ADCY1: variants seen among roughly 807,000 people sequenced by gnomAD.
ADCY1 encodes the protein adenylate cyclase type 1.
Under a neutral mutation model 105.4 loss-of-function variants are expected in ADCY1, and 28 were observed. That is an observed-to-expected ratio of 0.27 (90% confidence interval 0.20 to 0.36). The LOEUF (loss-of-function observed/expected upper bound fraction) is 0.36, where lower values mean the gene tolerates loss of function less well. ADCY1 is among the 10% of genes least tolerant of loss of function. The pLI is 1.00. For synonymous variants in ADCY1, 655 were observed against 623.8 expected (o/e 1.05, Z -0.75); for missense variants, 977 against 1,434.2 (o/e 0.68, Z 5.15).
intron 2 of ADCY1, among the ~76,000 whole-genome samples, chr7:45,608,302 T>A (rs1183052878): frequency 1.3e-5 from 2 of 152,218 alleles, no homozygotes; most frequent in African/African-American, 4.8e-5. Flanking sequence ...GTTATTTGGT[T>A]TTTGCTAGAA....
At chr7:45,660,301 T>G in intron 7 of ADCY1, 118 bp downstream of exon 7, 5 of 1,408,546 alleles carry the variant, frequency 3.5e-6, no homozygotes, top group South Asian at 1.4e-5. Context: ...GCTGTGAACT[T>G]GCTAAGATGG....
At chr7:45,641,772 A>C (rs1283995687) in intron 4 of ADCY1, among the ~76,000 whole-genome samples, 3 of 142,132 alleles carry the variant, frequency 2.1e-5, no homozygotes, top group Non-Finnish European at 4.6e-5. Context: ...TAAAAATACA[A>C]AAAATTAGCC....
At chr7:45,639,061 G>A (rs1794471147) in intron 4 of ADCY1, among the ~76,000 whole-genome samples, 1 of 151,904 alleles carries the variant, frequency 6.6e-6, no homozygotes, top group South Asian at 2.1e-4. Context: ...AGTGGCCCCT[G>A]TGACGTGCAG....
At chr7:45,681,640 T>C (rs546364372) in intron 11 of ADCY1, among the ~76,000 whole-genome samples, 1 of 152,084 alleles carries the variant, frequency 6.6e-6, no homozygotes, top group Non-Finnish European at 1.5e-5. Context: ...CAGGGTTTGA[T>C]TGAATCACAA....
chr7:45,696,837 G>A (rs534964066), intron 14 of ADCY1, among the ~76,000 whole-genome samples: 7 of 152,298 alleles, frequency 4.6e-5, no homozygotes, highest in Admixed American at 4.6e-4. Flanking sequence ...ATGTGCACAG[G>A]CTGCTGCTGC....
intron 8 of ADCY1, among the ~76,000 whole-genome samples, chr7:45,665,669 A>G (rs1312807008): frequency 1.3e-5 from 2 of 152,362 alleles, no homozygotes; most frequent in East Asian, 3.9e-4. Flanking sequence ...GGTGTGCACC[A>G]GAGGTTAATG....
chr7:45,585,867 G>A (rs1792707727), intron 1 of ADCY1, among the ~76,000 whole-genome samples: 1 of 152,174 alleles, frequency 6.6e-6, no homozygotes, highest in South Asian at 2.1e-4. Context: ...CACAGGTGCT[G>A]TGGGTGGGTG....
chr7:45,675,725 C>A (rs1237597282), intron 8 of ADCY1, among the ~76,000 whole-genome samples: 1 of 151,964 alleles, frequency 6.6e-6, no homozygotes, highest in African/African-American at 2.4e-5. Context: ...TGCTATCATT[C>A]TAGTTACTTT....
intron 10 of ADCY1, among the ~76,000 whole-genome samples, 164 bp from the exon 11 acceptor site, chr7:45,679,545 A>G (rs1433288705): frequency 6.6e-6 from 1 of 152,170 alleles, no homozygotes; most frequent in African/African-American, 2.4e-5. Flanking sequence ...AGAACCAGCC[A>G]TGTCAGTTCC....
chr7:45,606,844 A>T (rs1437579830), intron 2 of ADCY1, among the ~76,000 whole-genome samples: 1 of 152,134 alleles, frequency 6.6e-6, no homozygotes. Flanking sequence ...TAGCTTTTAT[A>T]CTTTTGATTT....
At chr7:45,672,923 G>A (rs1292448890) in intron 8 of ADCY1, among the ~76,000 whole-genome samples, 3 of 152,172 alleles carry the variant, frequency 2.0e-5, no homozygotes, top group Non-Finnish European at 1.5e-5. Flanking sequence ...TCACGATTAA[G>A]TGTGATGTTA....
Position 45,575,223 on chromosome 7 carries a change from C to T in ADCY1, c.639+41C>T, listed in dbSNP as rs759838946. On this transcript the variant is annotated intron_variant, in intron 1 of 19. Coordinates refer to ENST00000297323, the MANE Select transcript of ADCY1 (RefSeq NM_021116.4). This position sits in a 1 kb window ranked among gnomAD's most constrained non-coding sequence, Gnocchi z 4.7. ...CACCCCTCATCTGGTCTCGGACACA[C>T]TTGCTGGGACGATGCTGGGAATGCC... is the stretch of plus-strand genomic sequence containing the variant. The T allele has an allele frequency of 1.7e-5, 26 of 1,529,684 alleles. No homozygotes were observed. Among genetic ancestry groups the T allele is most frequent in the Non-Finnish European group, 2.2e-5 (25 of 1,143,908 alleles). The allele number at this position is 1,529,684 out of a possible 1,614,324, so 94.8% of individuals were successfully genotyped here.
chr7:45,704,713 T>G, intron 17 of ADCY1, 97 bp downstream of exon 17: 1 of 955,264 alleles, frequency 1.0e-6, no homozygotes, highest in Non-Finnish European at 1.6e-6. Flanking sequence ...GGGGTTTGTT[T>G]GCCCTCTGTG....
intron 1 of ADCY1, among the ~76,000 whole-genome samples, chr7:45,588,537 A>T (rs1792803323): frequency 6.6e-6 from 1 of 152,236 alleles, no homozygotes; most frequent in Non-Finnish European, 1.5e-5. Context: ...CTGTGAATTA[A>T]GTCAAACACG....
At chr7:45,585,582 G>A (rs1037303482) in intron 1 of ADCY1, among the ~76,000 whole-genome samples, 1 of 151,832 alleles carries the variant, frequency 6.6e-6, no homozygotes, top group Non-Finnish European at 1.5e-5. Flanking sequence ...CTGAGTAGTT[G>A]GGATTGCAGG....
chr7:45,686,269 G>GTGTATC lies in ADCY1; in HGVS notation c.2327+59_2327+60insCTGTAT. 3 of 1,581,086 alleles carry GTGTATC rather than the reference G, an allele frequency of 1.9e-6. No homozygotes were observed. The highest frequency in any genetic ancestry group is 4.5e-5 in the East Asian group (2 of 44,668). The stretch of plus-strand genomic sequence containing the variant: ...CCTAAGCAGCGGTGCTACTGAATCT[G>GTGTATC]TGTATACAGATATGCACTACAGGCT... On this transcript the variant is annotated intron_variant, in intron 13 of 19. Coordinates refer to ENST00000297323, the MANE Select transcript of ADCY1 (RefSeq NM_021116.4). This position sits in a 1 kb window ranked among gnomAD's most constrained non-coding sequence, Gnocchi z 4.3.
intron 3 of ADCY1, 108 bp from the exon 4 acceptor site, chr7:45,622,524 G>A (rs1793930420): frequency 2.6e-6 from 2 of 770,396 alleles, no homozygotes; most frequent in South Asian, 1.6e-5. Flanking sequence ...GGAATAAATG[G>A]GGTGATTGAT....
chr7:45,693,174 G>A (rs940100663), intron 14 of ADCY1, among the ~76,000 whole-genome samples: 4 of 152,142 alleles, frequency 2.6e-5, no homozygotes, highest in African/African-American at 9.7e-5. Flanking sequence ...TTGCATCCCA[G>A]GGATGAAGCC....
intron 11 of ADCY1, among the ~76,000 whole-genome samples, chr7:45,683,742 T>C (rs1419450275): frequency 6.6e-6 from 1 of 152,210 alleles, no homozygotes; most frequent in African/African-American, 2.4e-5. Context: ...GATGGGCAGC[T>C]CAGGTCATGC....
Sources: gnomAD v4.1 joint callset for allele counts (sites outside exome capture counted in the v4.1 genomes callset) on GRCh38, gnomAD v4.1.1 for gene constraint, Gnocchi (gnomAD v3.1) non-coding constraint, MANE v1.5 for transcripts, NCBI Gene and HGNC (gene_info 2026-07-23, HGNC 2026-07-21) for gene names.